CCDC191: variants seen among roughly 807,000 people sequenced by gnomAD.
The protein encoded by CCDC191 is coiled-coil domain-containing protein 191.
In CCDC191, 99 loss-of-function variants were observed where a neutral mutation model predicts 114.0. That is an observed-to-expected ratio of 0.87 (90% CI 0.74 to 1.03). CCDC191 has a LOEUF of 1.03. CCDC191 is among the 50% of genes least tolerant of loss of function. CCDC191 has a pLI of 0.00. For missense variants in CCDC191, 973 were observed against 1,087.0 expected (o/e 0.90, Z 1.47); for synonymous variants, 351 against 376.0 (o/e 0.93, Z 0.77).
intron 7 of CCDC191, among the ~76,000 whole-genome samples, chr3:114,020,175 T>G (rs570967005): frequency 7.9e-4 from 120 of 152,272 alleles, no homozygotes; most frequent in African/African-American, 2.7e-3. Flanking sequence ...ATTTCAGCAT[T>G]TGCTAAGCAA....
At chr3:113,971,107 T>G (rs1408579377) in intron 16 of CCDC191, among the ~76,000 whole-genome samples, 2 of 152,314 alleles carry the variant, frequency 1.3e-5, no homozygotes, top group African/African-American at 2.4e-5. Flanking sequence ...GGTCAAATGG[T>G]ATTTCTAGTT....
intron 13 of CCDC191, among the ~76,000 whole-genome samples, chr3:113,991,921 A>G (rs1227959924): frequency 6.6e-6 from 1 of 152,194 alleles, no homozygotes; most frequent in East Asian, 1.9e-4. Flanking sequence ...AGTGCCCCAA[A>G]AATGCAGTAG....
rs1410748424 is a variant in CCDC191, at chr3:114,005,864, C to G, written c.1512G>C (p.Gln504His). The G allele has an allele frequency of 6.2e-7, 1 of 1,614,036 alleles. No individual in the cohort carries two copies. The highest frequency in any genetic ancestry group is 8.5e-7 in the Non-Finnish European group (1 of 1,179,944). ...TCAGAGAGACATTCTGAAGGGAACC[C>G]TGCAAGTTGCCTGTTGTTGTTCTTC... Reference protein sequence around the residue: ...PLGRTTTGNLQGSLQNVSLSA... With the variant: ...PLGRTTTGNLHGSLQNVSLSA... Residue 504 changes from glutamine (Q) to histidine (H), a missense_variant, in exon 10 of 17, where the codon CAG (glutamine) becomes CAC (histidine). Coordinates refer to ENST00000295878, the MANE Select transcript of CCDC191 (RefSeq NM_020817.2).
rs375925498 is a variant in CCDC191, at chr3:114,056,365, G to C, written c.90+12C>G. 4 of 1,613,736 alleles carry C rather than the reference G, an allele frequency of 2.5e-6. No homozygotes were observed. Among genetic ancestry groups the C allele is most frequent in the African/African-American group, 1.3e-5 (1 of 75,008 alleles). ...AAAGTCCCCGCCCTCCAAAGCTCTC[G>C]ATTGGGATCACCTTGGGACTCGGCT... On this transcript the variant is annotated intron_variant, in intron 1 of 16. Coordinates refer to ENST00000295878, the MANE Select transcript of CCDC191 (RefSeq NM_020817.2).
Position 113,978,737 on chromosome 3 carries a change from T to C in CCDC191, c.2460+121A>G, listed in dbSNP as rs576432535. The C allele has an allele frequency of 2.2e-4, 222 of 1,019,498 alleles. 1 individual carries two copies. In the African/African-American group the frequency reaches 2.7e-3, roughly 12 times the overall value. 63.2% of individuals were successfully genotyped at this position (1,019,498 alleles called of 1,614,324 possible). ...ATTTATTTCAAAGCAGTGAATGGGA[T>C]TGACTACTCTTTTGTTCTTGAAAAA... On this transcript the variant is annotated intron_variant, in intron 15 of 16. Transcript: ENST00000295878.
chr3:114,036,000 CAT>C (rs1334698074), intron 5 of CCDC191, among the ~76,000 whole-genome samples: 3 of 152,160 alleles, frequency 2.0e-5, no homozygotes, highest in Admixed American at 6.5e-5. Context: ...ATGGCACACA[CAT>C]GTACAGATAT....
At chr3:113,991,372 TTTTACATTGGAAAATCAATCAATGTAG>T (rs2075560740) in intron 13 of CCDC191, among the ~76,000 whole-genome samples, 1 of 146,506 alleles carries the variant, frequency 6.8e-6, no homozygotes, top group Non-Finnish European at 1.5e-5. Context: ...GCAAGGATAA[TTTTACATTGGAAAATCAATCAATGTAG>T]TTTACCGTAT....
chr3:113,965,169 G>A lies in CCDC191; in HGVS notation c.2797C>T (p.Leu933=), dbSNP rs1158538878. The stretch of plus-strand genomic sequence containing the variant: ...ACTAATCTGGCTCATTCGTTCACCA[G>A]ACTTGTCTTACTCAAGGACCAAGTA... ...SDTWSLSKTS[L]VNE is the part of the protein sequence containing the mutation. The change falls in exon 17 of 17, where the codon CTG becomes TTG. Residue 933 remains leucine, a synonymous_variant. Coordinates refer to ENST00000295878, the MANE Select transcript of CCDC191 (RefSeq NM_020817.2). 2 of 1,601,766 alleles carry A rather than the reference G, an allele frequency of 1.2e-6. No individual in the cohort carries two copies. The highest frequency in any genetic ancestry group is 1.7e-6 in the Non-Finnish European group (2 of 1,173,762).
Position 114,005,484 on chromosome 3 carries a change from CGAGTTCTGATAGAACA to C in CCDC191, c.1868+8_1868+23del. The stretch of plus-strand genomic sequence containing the variant: ...GAAAAACCCCTTAAAATGAGTCCAG[CGAGTTCTGATAGAACA>C]GACATACTTCACAAGCATCTGGCAG... On this transcript the variant is annotated splice_region_variant and intron_variant, in intron 10 of 16. Transcript: ENST00000295878. 6.3e-7 allele frequency: 1 copy of C among 1,577,518 alleles called. No individual in the cohort carries two copies. Among genetic ancestry groups the C allele is most frequent in the Non-Finnish European group, 8.6e-7 (1 of 1,163,780 alleles).
chr3:113,990,615 T>A (rs537523066), intron 13 of CCDC191, among the ~76,000 whole-genome samples: 3 of 151,336 alleles, frequency 2.0e-5, no homozygotes, highest in East Asian at 3.9e-4. Context: ...AAATAAAAAA[T>A]TTAATATAAA....
chr3:113,985,981 A>T (rs1319355462), intron 13 of CCDC191, among the ~76,000 whole-genome samples: 1 of 152,242 alleles, frequency 6.6e-6, no homozygotes, highest in Non-Finnish European at 1.5e-5. Flanking sequence ...TGAGCCAATC[A>T]TCAGAACAAG....
At chr3:114,019,561 C>T (rs1014441177) in intron 7 of CCDC191, among the ~76,000 whole-genome samples, 3 of 152,162 alleles carry the variant, frequency 2.0e-5, no homozygotes, top group Non-Finnish European at 4.4e-5. Context: ...CTAGTCCTTG[C>T]TTATATCTTC....
chr3:113,967,115 G>T (rs1340343095), intron 16 of CCDC191, among the ~76,000 whole-genome samples: 1 of 151,518 alleles, frequency 6.6e-6, no homozygotes, highest in Admixed American at 6.6e-5. Flanking sequence ...AAGAAAAAAA[G>T]AAAAAAAGAA....
Position 114,037,719 on chromosome 3 carries a change from G to T in CCDC191, c.416-933C>A, listed in dbSNP as rs566530679. ...AAAATCCATGATATCAAATGGTGTT[G>T]CATTTGCCTATAAACTATATCCATC... On this transcript the variant is annotated intron_variant, in intron 4 of 16. Coordinates refer to ENST00000295878, the MANE Select transcript of CCDC191 (RefSeq NM_020817.2). Among the ~76,000 whole-genome samples, 4 of 152,042 alleles carry T rather than the reference G, an allele frequency of 2.6e-5. No individual in the cohort carries two copies. In the East Asian group the frequency reaches 5.8e-4, roughly 22 times the overall value.
intron 13 of CCDC191, among the ~76,000 whole-genome samples, chr3:113,991,269 C>T (rs1443744738): frequency 1.5e-5 from 2 of 131,882 alleles, no homozygotes; most frequent in Admixed American, 1.5e-4. Context: ...CCCCCCCCCC[C>T]AAAAACCAAT....
At chr3:114,017,193 A>C (rs72956688) in intron 8 of CCDC191, among the ~76,000 whole-genome samples, 4,775 of 151,212 alleles carry the variant, frequency 0.032, 230 homozygotes, top group African/African-American at 0.11. Context: ...TGACAACCAC[A>C]TGCTTGATAA....
At chr3:113,993,993 T>C (rs1365551336) in intron 13 of CCDC191, among the ~76,000 whole-genome samples, 1 of 152,242 alleles carries the variant, frequency 6.6e-6, no homozygotes, top group Non-Finnish European at 1.5e-5. Context: ...GACTTTGAGT[T>C]TGGTGATTAG....
chr3:114,003,519 C>A (rs1003576047), intron 11 of CCDC191: 22 of 985,280 alleles, frequency 2.2e-5, no homozygotes, highest in Non-Finnish European at 2.7e-5. Context: ...GAAGCAGAGT[C>A]TCTGGTAATA....
At chr3:114,049,463 A>G (rs1363665001) in intron 2 of CCDC191, among the ~76,000 whole-genome samples, 2 of 152,228 alleles carry the variant, frequency 1.3e-5, no homozygotes, top group Non-Finnish European at 2.9e-5. Flanking sequence ...ACAAACAAAA[A>G]ATTAGCAACA....
Sources: gnomAD v4.1 joint callset for allele counts (sites outside exome capture counted in the v4.1 genomes callset) on GRCh38, gnomAD v4.1.1 for gene constraint, MANE v1.5 for transcripts, NCBI Gene and HGNC (gene_info 2026-07-23, HGNC 2026-07-21) for gene names.